The following SPATS2 variants were observed in gnomAD, a reference collection of about 807,000 sequenced individuals.
SPATS2 encodes the protein spermatogenesis-associated serine-rich protein 2.
In SPATS2, 38 loss-of-function variants were observed where a neutral mutation model predicts 63.7. That is an observed-to-expected ratio of 0.60 (90% CI 0.46 to 0.78). The LOEUF is 0.78. Ranked by LOEUF, SPATS2 falls within the 30% of genes least tolerant of loss-of-function variation. The pLI is 0.00. For missense variants in SPATS2, 588 were observed against 666.2 expected, an observed-to-expected ratio of 0.88 and a Z score of 1.29; for synonymous variants, 207 against 232.9, an observed-to-expected ratio of 0.89 and a Z score of 1.01.
In SPATS2 at chr12:49,460,876, C is replaced by G. The variant is rs1191147027; in HGVS notation, c.-137C>G. Reference sequence around the variant, plus strand: ...AACAGCTAGTGAGCAGAATTTCGAACAGCAGGATTTCGTATTTTTTGCTTC... The same window carrying G: ...AACAGCTAGTGAGCAGAATTTCGAAGAGCAGGATTTCGTATTTTTTGCTTC... On this transcript the variant is annotated 5_prime_UTR_variant, in exon 3 of 14. Coordinates refer to ENST00000552918, the MANE Select transcript of SPATS2 (RefSeq NM_023071.4). 1.6e-5 allele frequency: 13 copies of G among 827,328 alleles called. No homozygotes were observed. In the East Asian group the frequency reaches 2.7e-4, roughly 17 times the overall value. 51.2% of individuals were successfully genotyped at this position (827,328 alleles called of 1,614,324 possible). A position where few individuals can be genotyped will look rare whatever the true frequency, so the allele number is the denominator to read the frequency against.
At chr12:49,368,693 TATG>T (rs1943946706) in intron 1 of SPATS2, among the ~76,000 whole-genome samples, 1 of 152,206 alleles carries the variant, frequency 6.6e-6, no homozygotes. Flanking sequence ...GAATATTGAT[TATG>T]ATGTTTGCAT....
At chr12:49,416,372 C>T (rs1944889558) in intron 2 of SPATS2, among the ~76,000 whole-genome samples, 1 of 152,130 alleles carries the variant, frequency 6.6e-6, no homozygotes, top group Non-Finnish European at 1.5e-5. Context: ...CTGGTGTTTC[C>T]AGACATCTCT....
chr12:49,483,087 C>A (rs577274001), intron 3 of SPATS2, among the ~76,000 whole-genome samples: 1 of 145,090 alleles, frequency 6.9e-6, no homozygotes, highest in Admixed American at 7.1e-5. Context: ...CCACACCCAG[C>A]CTTTCCTTTG....
chr12:49,445,505 T>A (rs1021792196), intron 2 of SPATS2, among the ~76,000 whole-genome samples: 1 of 151,528 alleles, frequency 6.6e-6, no homozygotes, highest in African/African-American at 2.4e-5. Flanking sequence ...ATATATATAT[T>A]TATTTTCTTT....
intron 10 of SPATS2, among the ~76,000 whole-genome samples, chr12:49,516,339 G>A (rs57882760): frequency 0.23 from 34,575 of 148,074 alleles, 6,807 homozygotes; most frequent in African/African-American, 0.55. Context: ...CAGCCTGGGC[G>A]ATAGAGCAAG....
rs1247869505 is a variant in SPATS2, at chr12:49,489,537, A to G, written c.178A>G (p.Asn60Asp). The change falls in exon 5 of 14, where the codon AAC (asparagine) becomes GAC (aspartate). Residue 60 changes from asparagine (N) to aspartate (D), a missense_variant. Physicochemically the swap from Asn to Asp is conservative, Grantham distance 23 (BLOSUM62 1). Transcript: ENST00000552918. ...TATCCTGGTTTTGCAGCACTTTGATAACTGTGTGGACAAAACAGTACAAGC... is the reference window on the plus strand; with the variant it reads ...TATCCTGGTTTTGCAGCACTTTGATGACTGTGTGGACAAAACAGTACAAGC... ...EIILVLQHFDNCVDKTVQAFM... is the reference protein window; with the variant it reads ...EIILVLQHFDDCVDKTVQAFM... The G allele has an allele frequency of 1.2e-6, 2 of 1,613,918 alleles. No homozygotes were observed. The highest frequency in any genetic ancestry group is 1.3e-5 in the African/African-American group (1 of 75,052).
intron 2 of SPATS2, among the ~76,000 whole-genome samples, chr12:49,390,910 T>TA (rs1423145188): frequency 6.6e-6 from 1 of 152,206 alleles, no homozygotes. Flanking sequence ...TCGAAGTCAG[T>TA]AATGAAGATG....
At chr12:49,369,030 C>CTTTT (rs35158946) in intron 1 of SPATS2, among the ~76,000 whole-genome samples, 41 of 102,588 alleles carry the variant, frequency 4.0e-4, no homozygotes, top group African/African-American at 9.3e-4. Context: ...CAATGTGCCT[C>CTTTT]TTTTTTTTTT....
chr12:49,376,793 A>G (rs1200887273), intron 2 of SPATS2, among the ~76,000 whole-genome samples: 2 of 128,534 alleles, frequency 1.6e-5, no homozygotes, highest in African/African-American at 6.1e-5. Flanking sequence ...TCTCAGCTCC[A>G]CTGCAACCTC....
At chr12:49,377,641 G>T (rs912876071) in intron 2 of SPATS2, among the ~76,000 whole-genome samples, 9 of 152,076 alleles carry the variant, frequency 5.9e-5, no homozygotes, top group African/African-American at 2.2e-4. Context: ...TGTATCTACT[G>T]AATGGCGTTA....
At chr12:49,374,281 A>G (rs1350187688) in intron 2 of SPATS2, among the ~76,000 whole-genome samples, 3 of 152,088 alleles carry the variant, frequency 2.0e-5, no homozygotes, top group Non-Finnish European at 4.4e-5. Context: ...GGCACACACC[A>G]TGGCAGTCAG....
intron 2 of SPATS2, among the ~76,000 whole-genome samples, chr12:49,456,893 A>G (rs1945728711): frequency 1.3e-5 from 2 of 151,892 alleles, no homozygotes; most frequent in Non-Finnish European, 2.9e-5. Context: ...TTGTTCCCTA[A>G]TGTTATCTTC....
chr12:49,487,704 C>CT (rs1486964733), intron 4 of SPATS2, among the ~76,000 whole-genome samples: 1 of 151,922 alleles, frequency 6.6e-6, no homozygotes, highest in African/African-American at 2.4e-5. Context: ...CTCAAGCAGT[C>CT]CTCCCGCCTC....
intron 2 of SPATS2, among the ~76,000 whole-genome samples, chr12:49,444,366 C>G (rs1355333814): frequency 6.6e-6 from 1 of 151,584 alleles, no homozygotes; most frequent in Non-Finnish European, 1.5e-5. Context: ...TGTAGTTGCA[C>G]GTCATTGTGC....
At chr12:49,480,279 A>G (rs1318084494) in intron 3 of SPATS2, among the ~76,000 whole-genome samples, 5 of 152,184 alleles carry the variant, frequency 3.3e-5, no homozygotes, top group African/African-American at 1.2e-4. Context: ...ATTGTATCAA[A>G]TTCACTTCAG....
chr12:49,375,595 G>A (rs1474218560), intron 2 of SPATS2, among the ~76,000 whole-genome samples: 5 of 152,092 alleles, frequency 3.3e-5, no homozygotes, highest in Non-Finnish European at 7.4e-5. Context: ...TACCTTGTTT[G>A]GATATCTAGT....
In SPATS2 at chr12:49,466,005, A is replaced by T. The variant is rs548047342; in HGVS notation, c.25+4968A>T. Among the ~76,000 whole-genome samples, 19 of 151,336 alleles carry T rather than the reference A, an allele frequency of 1.3e-4. No individual in the cohort carries two copies. The East Asian group carries it at 3.7e-3, about 29-fold the overall frequency. On this transcript the variant is annotated intron_variant, in intron 3 of 13. Transcript: ENST00000552918. ...AAGTTTTAAATTTTGATGAAGCCCA[A>T]TTTATCTTTTTTTTTTTTTTTCTAT...
chr12:49,462,065 G>A (rs1175047324), intron 3 of SPATS2, among the ~76,000 whole-genome samples: 1 of 152,000 alleles, frequency 6.6e-6, no homozygotes, highest in Non-Finnish European at 1.5e-5. Context: ...TAAAAATAGG[G>A]TTCTGGAAAA....
intron 2 of SPATS2, among the ~76,000 whole-genome samples, chr12:49,446,781 C>T (rs527745209): frequency 6.6e-6 from 1 of 152,344 alleles, no homozygotes; most frequent in South Asian, 2.1e-4. Flanking sequence ...ACATTAATTA[C>T]ATCTGCAAAG....
Sources: allele counts gnomAD v4.1 joint callset (sites outside exome capture counted in the v4.1 genomes callset), GRCh38; gene constraint gnomAD v4.1.1; transcripts MANE v1.5; gene names NCBI Gene and HGNC (gene_info 2026-07-23, HGNC 2026-07-21).